SUPT3H: variants seen among roughly 807,000 people sequenced by gnomAD.
SUPT3H encodes SPT3 homolog, SAGA and STAGA complex component.
SUPT3H carries 44 observed loss-of-function variants against 44.3 expected under a neutral mutation model. The observed-to-expected ratio is 0.99, with a 90% CI of 0.78 to 1.28. The LOEUF (loss-of-function observed/expected upper bound fraction) is 1.28. Among genes scored for constraint, SUPT3H ranks in the 50% most tolerant of loss-of-function variants. SUPT3H has a pLI of 0.00. For synonymous variants in SUPT3H, 124 were observed against 125.6 expected (o/e 0.99, Z 0.09); for missense variants, 380 against 387.1 (o/e 0.98, Z 0.15).
intron 2 of SUPT3H, among the ~76,000 whole-genome samples, chr6:45,170,900 T>C (rs1024795658): frequency 3.3e-5 from 5 of 152,192 alleles, no homozygotes; most frequent in Non-Finnish European, 5.9e-5. Flanking sequence ...AAGCCCAATA[T>C]TCATGACAAT....
chr6:44,987,493 G>T lies in SUPT3H; in HGVS notation c.504+16160C>A, dbSNP rs555418443. On this transcript the variant is annotated intron_variant, in intron 6 of 10. Coordinates refer to ENST00000371459, the MANE Select transcript of SUPT3H (RefSeq NM_003599.4). ...GAGAGCTGATATCCAGAGAAAGATGGAGATGGAGAATTGACCAATGTATTT... is the reference window on the plus strand; with the variant it reads ...GAGAGCTGATATCCAGAGAAAGATGTAGATGGAGAATTGACCAATGTATTT... Among the ~76,000 whole-genome samples, 11 of 152,230 alleles carry T rather than the reference G, an allele frequency of 7.2e-5. No homozygotes were observed. The East Asian group carries it at 1.9e-3, about 27-fold the overall frequency.
intron 6 of SUPT3H, among the ~76,000 whole-genome samples, chr6:44,976,384 CAG>C (rs1778343954): frequency 6.7e-6 from 1 of 150,216 alleles, no homozygotes; most frequent in East Asian, 2.0e-4. Flanking sequence ...TTTCTTGAGA[CAG>C]AGTCTCACTC....
intron 2 of SUPT3H, among the ~76,000 whole-genome samples, chr6:45,306,753 G>A (rs4288203): frequency 0.23 from 34,307 of 151,964 alleles, 4,525 homozygotes; most frequent in Non-Finnish European, 0.31. Context: ...CTGAGGTACC[G>A]GGTTCATCTC....
chr6:45,321,026 T>C (rs1242932145), intron 2 of SUPT3H, among the ~76,000 whole-genome samples: 2 of 152,136 alleles, frequency 1.3e-5, no homozygotes, highest in African/African-American at 4.8e-5. Flanking sequence ...AACAGATGCT[T>C]GTTTTGATCC....
intron 2 of SUPT3H, among the ~76,000 whole-genome samples, chr6:45,180,393 A>G (rs1481449100): frequency 4.6e-5 from 7 of 150,968 alleles, no homozygotes; most frequent in Middle Eastern, 3.4e-3. Context: ...GAACCAAAAA[A>G]GAGCCCACAT....
intron 3 of SUPT3H, among the ~76,000 whole-genome samples, chr6:45,105,306 AAGGC>A (rs541518293): frequency 1.0e-3 from 155 of 152,280 alleles, no homozygotes; most frequent in Non-Finnish European, 1.8e-3. Flanking sequence ...CAAGGATTAG[AAGGC>A]TACATGAGTG....
intron 10 of SUPT3H, among the ~76,000 whole-genome samples, chr6:44,838,789 C>T (rs1770399386): frequency 2.0e-5 from 3 of 152,168 alleles, no homozygotes; most frequent in African/African-American, 7.2e-5. Flanking sequence ...CCAAGCTGAA[C>T]TGCTGTGGAC....
At chr6:45,251,822 T>C (rs1772422119) in intron 2 of SUPT3H, among the ~76,000 whole-genome samples, 1 of 152,146 alleles carries the variant, frequency 6.6e-6, no homozygotes, top group Admixed American at 6.5e-5. Context: ...ATGATAAATG[T>C]CAGTATTTCT....
intron 6 of SUPT3H, among the ~76,000 whole-genome samples, chr6:44,983,799 T>G (rs1024371652): frequency 6.6e-6 from 1 of 152,230 alleles, no homozygotes; most frequent in Non-Finnish European, 1.5e-5. Context: ...GTTTTTTAAC[T>G]GAAAGAGCTT....
chr6:45,101,222 T>C lies in SUPT3H; in HGVS notation c.186+4700A>G, dbSNP rs112662559. On this transcript the variant is annotated intron_variant, in intron 3 of 10. Coordinates refer to ENST00000371459, the MANE Select transcript of SUPT3H (RefSeq NM_003599.4). ...AGACAAATCACCTGAGGTCGGGAGT[T>C]TGAGACCAGCCTGACCAACATGGAG... Among the ~76,000 whole-genome samples the C allele has an allele frequency of 9.1e-3, 1,379 of 152,272 alleles. 14 individuals carry two copies. The highest frequency in any genetic ancestry group is 0.028 in the South Asian group (137 of 4,820).
intron 2 of SUPT3H, among the ~76,000 whole-genome samples, chr6:45,333,552 T>G (rs751886257): frequency 6.6e-6 from 1 of 151,530 alleles, no homozygotes; most frequent in African/African-American, 2.4e-5. Flanking sequence ...TAGGTTTTGT[T>G]GTTACTGCTG....
At chr6:45,034,923 C>A (rs983386611) in intron 3 of SUPT3H, among the ~76,000 whole-genome samples, 1 of 152,150 alleles carries the variant, frequency 6.6e-6, no homozygotes, top group African/African-American at 2.4e-5. Context: ...AGCTAGTAGA[C>A]AACTTTTCCC....
intron 3 of SUPT3H, among the ~76,000 whole-genome samples, chr6:45,030,591 A>T (rs956556183): frequency 6.6e-6 from 1 of 152,198 alleles, no homozygotes; most frequent in African/African-American, 2.4e-5. Context: ...TCTTGTGCTA[A>T]GTCTTCATGG....
chr6:45,296,738 C>CAAA (rs60921436), intron 2 of SUPT3H, among the ~76,000 whole-genome samples: 413 of 29,654 alleles, frequency 0.014, 63 homozygotes, highest in African/African-American at 0.033. Flanking sequence ...GACTCTGTCT[C>CAAA]AAAAAAAAAA....
intron 6 of SUPT3H, among the ~76,000 whole-genome samples, chr6:44,980,870 A>G (rs1778998156): frequency 6.6e-6 from 1 of 152,232 alleles, no homozygotes; most frequent in South Asian, 2.1e-4. Flanking sequence ...AAGTCAAATA[A>G]CCATGTCTAA....
At chr6:45,300,841 A>AC (rs1782031160) in intron 2 of SUPT3H, among the ~76,000 whole-genome samples, 1 of 151,076 alleles carries the variant, frequency 6.6e-6, no homozygotes. Context: ...AAAACCTAAG[A>AC]ACTCTGTGCA....
At chr6:45,354,886 A>C (rs1792831565) in intron 2 of SUPT3H, among the ~76,000 whole-genome samples, 1 of 152,192 alleles carries the variant, frequency 6.6e-6, no homozygotes, top group Non-Finnish European at 1.5e-5. Context: ...GTTACACAGT[A>C]GTAATTATAA....
At chr6:45,357,469 T>A (rs970282876) in intron 2 of SUPT3H, among the ~76,000 whole-genome samples, 5 of 152,106 alleles carry the variant, frequency 3.3e-5, no homozygotes, top group Non-Finnish European at 7.4e-5. Context: ...TAGCTGGGAC[T>A]ACAGGGCCCA....
At chr6:44,899,817 G>A (rs1370363799) in intron 10 of SUPT3H, among the ~76,000 whole-genome samples, 1 of 152,108 alleles carries the variant, frequency 6.6e-6, no homozygotes, top group Non-Finnish European at 1.5e-5. Flanking sequence ...AAATGTATTA[G>A]TACTTTTCCT....
Sources: allele counts gnomAD v4.1 joint callset (sites outside exome capture counted in the v4.1 genomes callset), GRCh38; gene constraint gnomAD v4.1.1; transcripts MANE v1.5; gene names NCBI Gene and HGNC (gene_info 2026-07-23, HGNC 2026-07-21).